CEP250: variants seen among roughly 807,000 people sequenced by gnomAD.
CEP250 encodes centrosomal protein 250, also known as centrosome-associated protein CEP250.
A neutral mutation model predicts 315.7 loss-of-function variants in CEP250; 242 were observed. The ratio of observed to expected loss-of-function variants is 0.77; its 90% CI spans 0.69 to 0.85. CEP250 has a LOEUF of 0.85. Among genes scored for constraint, CEP250 ranks in the 40% least tolerant of loss-of-function variants. CEP250 has a pLI of 0.00. For synonymous variants in CEP250, 1,088 were observed against 1,175.0 expected (o/e 0.93, Z 1.51); for missense variants, 2,515 against 2,886.4 (o/e 0.87, Z 2.95).
In CEP250 at chr20:35,504,028, G is replaced by T. The variant is rs147660483; in HGVS notation, c.5659G>T (p.Glu1887Ter). 6.2e-7 allele frequency: 1 copy of T among 1,606,816 alleles called. No homozygotes were observed. Among genetic ancestry groups the T allele is most frequent in the African/African-American group, 1.3e-5 (1 of 74,670 alleles). The change falls in exon 30 of 35, where the codon GAG becomes TAG. Residue 1887 changes from glutamate to a stop codon, truncating the protein, a stop_gained. Coordinates refer to ENST00000397527, the MANE Select transcript of CEP250 (RefSeq NM_007186.6). LOFTEE classifies it high-confidence loss of function. Reference protein sequence around the residue: ...VEGRRVQALEEVLGDLRAESR... With the variant: ...VEGRRVQALE ...GGGACGGCGGGTCCAGGCCCTGGAG[G>T]AGGTGCTGGGAGACCTAAGGGCTGA... is the stretch of plus-strand genomic sequence containing the variant.
Position 35,503,304 on chromosome 20 carries a change from GAAA to G in CEP250, c.4936_4938del (p.Lys1646del). 1 of 1,614,206 alleles carries G rather than the reference GAAA, an allele frequency of 6.2e-7. No homozygotes were observed. The highest frequency in any genetic ancestry group is 1.6e-4 in the Middle Eastern group (1 of 6,062). On this transcript the variant is annotated inframe_deletion, in exon 30 of 35. Transcript: ENST00000397527. This position sits in a 1 kb window ranked among gnomAD's most constrained non-coding sequence, Gnocchi z 4.2. ...AACAGATCGAGGAGCTGCAGAGGCA[GAAA>G]GAGCATCTGACTCAGGATCTCGAGA... is the stretch of plus-strand genomic sequence containing the variant.
Position 35,519,072 on chromosome 20 carries a change from G to T in CEP250, c.*7446G>T, listed in dbSNP as rs532085218. ...TACGAAAAACAAAAAACATAATCTG[G>T]ATTGCAGGGCTGATCGTTGCTAATG... On this transcript the variant is annotated 3_prime_UTR_variant, in exon 35 of 35. Transcript: ENST00000397527. 6.6e-6 allele frequency: 1 copy of T among 151,988 alleles called. No individual in the cohort carries two copies. The highest frequency in any genetic ancestry group is 2.4e-5 in the African/African-American group (1 of 41,492). The allele number at this position is 151,988 out of a possible 1,614,324, so 9.4% of individuals were successfully genotyped here.
chr20:35,500,572 G>A (rs1329014922), intron 28 of CEP250, among the ~76,000 whole-genome samples: 1 of 152,232 alleles, frequency 6.6e-6, no homozygotes, highest in Non-Finnish European at 1.5e-5. Context: ...TGATGAGGAT[G>A]AGGACATATT....
intron 2 of CEP250, among the ~76,000 whole-genome samples, chr20:35,459,541 G>A (rs2072093208): frequency 6.6e-6 from 1 of 151,972 alleles, no homozygotes; most frequent in South Asian, 2.1e-4. Context: ...CATTGCTTTG[G>A]GAGGCTTGGA....
chr20:35,508,645 G>T (rs1489195358), intron 32 of CEP250, among the ~76,000 whole-genome samples: 1 of 152,212 alleles, frequency 6.6e-6, no homozygotes, highest in Non-Finnish European at 1.5e-5. Context: ...ATACAGCCAT[G>T]CATTGTTTAT....
At position 35,504,956 on chromosome 20, in the gene CEP250, T is replaced by A; in HGVS notation, c.6587T>A (p.Phe2196Tyr). ...AGCAGTCTGCAGGAGGTAGCCATGT[T>A]CCTACAAGCCTCTGTCCTGGAGCGG... is the stretch of plus-strand genomic sequence containing the variant. The part of the protein sequence containing the change: ...SVSSLQEVAM[F>Y]LQASVLERDS... Residue 2196 changes from phenylalanine (F) to tyrosine (Y), a missense_variant, in exon 30 of 35, where the codon TTC becomes TAC. Transcript: ENST00000397527. 6.2e-7 allele frequency: 1 copy of A among 1,613,948 alleles called. No individual in the cohort carries two copies.
At position 35,490,648 on chromosome 20, in the gene CEP250, C is replaced by T; in HGVS notation, c.2598C>T (p.Arg866=). The part of the protein sequence containing the change: ...NQLREKWEKE[R]SWHQQELAKA... ...CTTCATGTGGCCAGGAGAAGGAGCG[C>T]TCCTGGCACCAGCAGGAGCTGGCAA... is the stretch of plus-strand genomic sequence containing the variant. The change falls in exon 21 of 35, where the codon CGC becomes CGT. Residue 866 remains arginine (R), a synonymous_variant. Transcript: ENST00000397527. 6.2e-7 allele frequency: 1 copy of T among 1,613,298 alleles called. No individual in the cohort carries two copies. The highest frequency in any genetic ancestry group is 8.5e-7 in the Non-Finnish European group (1 of 1,179,906).
chr20:35,486,623 C>A (rs770710351), intron 20 of CEP250, among the ~76,000 whole-genome samples: 1 of 152,120 alleles, frequency 6.6e-6, no homozygotes, highest in Non-Finnish European at 1.5e-5. Flanking sequence ...CATTAAAATA[C>A]ATATTTAATA....
Position 35,517,053 on chromosome 20 carries a change from A to G in CEP250, c.*5427A>G, listed in dbSNP as rs2064442684. 4.1e-6 allele frequency: 4 copies of G among 984,554 alleles called. No homozygotes were observed. The highest frequency in any genetic ancestry group is 4.8e-6 in the Non-Finnish European group (4 of 829,062). 61.0% of individuals were successfully genotyped at this position (984,554 alleles called of 1,614,324 possible). On this transcript the variant is annotated 3_prime_UTR_variant, in exon 35 of 35. Coordinates refer to ENST00000397527, the MANE Select transcript of CEP250 (RefSeq NM_007186.6). ...GAGAAAAGTGGGAAGCCATGGTCAC[A>G]GACTCTACATTCCCCTCTCCTGTTG... is the stretch of plus-strand genomic sequence containing the variant.
rs532887882 is a variant in CEP250, at chr20:35,502,540, A to G, written c.4171A>G (p.Lys1391Glu). Residue 1391 changes from lysine (K) to glutamate (E), a missense_variant, in exon 30 of 35, where the codon AAA (lysine) becomes GAA (glutamate). By Grantham distance (56) the Lys-to-Glu change is moderately conservative. Transcript: ENST00000397527. ...LRTARSALKLKNEEVESERER... is the reference protein window; with the variant it reads ...LRTARSALKLENEEVESERER... ...AACGGCTCGCTCAGCACTGAAGCTG[A>G]AAAATGAGGAAGTAGAGAGTGAGCG... is the stretch of plus-strand genomic sequence containing the variant. 6.2e-7 allele frequency: 1 copy of G among 1,614,168 alleles called. No homozygotes were observed. Among genetic ancestry groups the G allele is most frequent in the African/African-American group, 1.3e-5 (1 of 75,054 alleles).
chr20:35,481,417 A>T (rs899385016), intron 20 of CEP250, among the ~76,000 whole-genome samples: 1 of 152,182 alleles, frequency 6.6e-6, no homozygotes, highest in East Asian at 1.9e-4. Context: ...ACCCTGTCTC[A>T]AAAGCAAAAA....
chr20:35,467,403 C>A lies in CEP250; in HGVS notation c.699C>A (p.Asn233Lys). The change falls in exon 9 of 35, where the codon AAC becomes AAA. Residue 233 changes from asparagine to lysine, a missense_variant. Transcript: ENST00000397527. ...LTVGAQSREP[N>K]GSGRMDGREP... ...TGGGAGCACAGTCTCGGGAACCCAACGGATCTGGAAGAATGGATGGGCGGG... is the reference window on the plus strand; with the variant it reads ...TGGGAGCACAGTCTCGGGAACCCAAAGGATCTGGAAGAATGGATGGGCGGG... The A allele has an allele frequency of 3.1e-6, 5 of 1,614,164 alleles. No individual in the cohort carries two copies. Among genetic ancestry groups the A allele is most frequent in the Non-Finnish European group, 4.2e-6 (5 of 1,180,030 alleles).
At chr20:35,475,079 C>A (rs2063132276) in intron 14 of CEP250, among the ~76,000 whole-genome samples, 1 of 152,132 alleles carries the variant, frequency 6.6e-6, no homozygotes, top group Non-Finnish European at 1.5e-5. Flanking sequence ...TGGCATGTGC[C>A]TGTAGCCATG....
intron 10 of CEP250, 124 bp downstream of exon 10, chr20:35,470,110 T>C: frequency 1.5e-6 from 1 of 680,086 alleles, no homozygotes; most frequent in Non-Finnish European, 2.6e-6. Context: ...AGCTAAAAAA[T>C]AAATTTTGGC....
intron 27 of CEP250, among the ~76,000 whole-genome samples, 188 bp from the exon 28 acceptor site, chr20:35,499,861 G>A (rs1391680193): frequency 6.6e-6 from 1 of 152,162 alleles, no homozygotes; most frequent in Non-Finnish European, 1.5e-5. Context: ...CCATCCAAGT[G>A]GAGCAGAGCC....
At chr20:35,457,094 T>A (rs1336413358) in intron 1 of CEP250, among the ~76,000 whole-genome samples, 1 of 152,108 alleles carries the variant, frequency 6.6e-6, no homozygotes, top group Non-Finnish European at 1.5e-5. Context: ...TTTTTTTGCT[T>A]TTTATATAGG....
chr20:35,470,191 C>T (rs2062990706), intron 10 of CEP250: 3 of 589,998 alleles, frequency 5.1e-6, no homozygotes, highest in Non-Finnish European at 9.2e-6. Context: ...ACTATCCCTA[C>T]TGTATTCCTG....
chr20:35,493,063 G>T lies in CEP250; in HGVS notation c.2890-366G>T, dbSNP rs1472012197. 2.0e-5 allele frequency among the ~76,000 whole-genome samples: 3 copies of T among 151,972 alleles called. No homozygotes were observed. In the East Asian group the frequency reaches 5.8e-4, roughly 29 times the overall value. ...TATTTAAAAAGCAGGGGTGGGATAT[G>T]ATTTATTTATATATACGTATACATA... On this transcript the variant is annotated intron_variant, in intron 22 of 34. Transcript: ENST00000397527.
At chr20:35,496,039 G>A (rs536544280) in intron 24 of CEP250, among the ~76,000 whole-genome samples, 13 of 152,160 alleles carry the variant, frequency 8.5e-5, no homozygotes, top group Non-Finnish European at 1.8e-4. Flanking sequence ...TGTGTGGATG[G>A]AAGTGCCATT....
Sources: gnomAD v4.1 joint callset for allele counts (sites outside exome capture counted in the v4.1 genomes callset) on GRCh38, gnomAD v4.1.1 for gene constraint, Gnocchi (gnomAD v3.1) non-coding constraint, MANE v1.5 for transcripts, NCBI Gene and HGNC (gene_info 2026-07-23, HGNC 2026-07-21) for gene names.